NMNAT3: variants seen among roughly 807,000 people sequenced by gnomAD.
The protein encoded by NMNAT3 is nicotinamide nucleotide adenylyltransferase 3, also known as nicotinamide/nicotinic acid mononucleotide adenylyltransferase 3.
NMNAT3 carries 21 observed loss-of-function variants against 24.8 expected under a neutral mutation model. That is an observed-to-expected ratio of 0.85 (90% CI 0.60 to 1.22). The LOEUF is 1.22. Ranked by LOEUF, NMNAT3 falls within the 50% of genes most tolerant of loss-of-function variation. The pLI is 0.00. For synonymous variants in NMNAT3, 136 were observed against 155.2 expected (o/e 0.88, Z 0.92); for missense variants, 387 against 436.6 (o/e 0.89, Z 1.01).
At chr3:139,665,602 T>C (rs2057551470) in intron 1 of NMNAT3, among the ~76,000 whole-genome samples, 1 of 152,134 alleles carries the variant, frequency 6.6e-6, no homozygotes, top group Non-Finnish European at 1.5e-5. Context: ...AGATGGCATA[T>C]GTTATTCACT....
At chr3:139,562,716 C>T in intron 6 of NMNAT3, among the ~76,000 whole-genome samples, 1 of 152,210 alleles carries the variant, frequency 6.6e-6, no homozygotes, top group Non-Finnish European at 1.5e-5. Context: ...AGTCTGAGTC[C>T]TGGCCTCAAC....
intron 2 of NMNAT3, among the ~76,000 whole-genome samples, chr3:139,629,350 T>G (rs1225835759): frequency 6.6e-6 from 1 of 152,192 alleles, no homozygotes; most frequent in Non-Finnish European, 1.5e-5. Flanking sequence ...TTTTCAGATG[T>G]GATTGCAGCC....
intron 1 of NMNAT3, among the ~76,000 whole-genome samples, chr3:139,672,120 T>C (rs1247412699): frequency 6.6e-6 from 1 of 152,200 alleles, no homozygotes; most frequent in African/African-American, 2.4e-5. Context: ...CTCCGTACTC[T>C]CCTCTTTCCA....
At chr3:139,601,722 C>T (rs1182017802) in intron 3 of NMNAT3, among the ~76,000 whole-genome samples, 1 of 152,104 alleles carries the variant, frequency 6.6e-6, no homozygotes, top group African/African-American at 2.4e-5. Flanking sequence ...GATAAAGTCC[C>T]AAGGGAGTTG....
chr3:139,564,263 A>G (rs1468396414), intron 6 of NMNAT3, among the ~76,000 whole-genome samples: 2 of 147,994 alleles, frequency 1.4e-5, no homozygotes, highest in Non-Finnish European at 3.1e-5. Flanking sequence ...GATGTCTGTC[A>G]TGGTACCTCA....
At chr3:139,581,538 T>C (rs781754981) in intron 4 of NMNAT3, among the ~76,000 whole-genome samples, 1 of 152,200 alleles carries the variant, frequency 6.6e-6, no homozygotes, top group Non-Finnish European at 1.5e-5. Flanking sequence ...GGATACATGC[T>C]ACAACAAAAA....
At chr3:139,657,155 A>G (rs998478254) in intron 1 of NMNAT3, among the ~76,000 whole-genome samples, 2 of 152,204 alleles carry the variant, frequency 1.3e-5, no homozygotes, top group African/African-American at 2.4e-5. Flanking sequence ...AGGGCCGGCC[A>G]GGCCATTTCA....
intron 3 of NMNAT3, among the ~76,000 whole-genome samples, chr3:139,611,221 A>G (rs1020128717): frequency 6.6e-6 from 1 of 152,190 alleles, no homozygotes; most frequent in African/African-American, 2.4e-5. Context: ...TCTTCCATGC[A>G]TAGTTATAAG....
rs1559987136 is a variant in NMNAT3, at chr3:139,677,944, C to G, written c.-380G>C. 1.3e-5 allele frequency: 2 copies of G among 152,196 alleles called. No homozygotes were observed. The highest frequency in any genetic ancestry group is 6.5e-5 in the Admixed American group (1 of 15,278). 9.4% of individuals were successfully genotyped at this position (152,196 alleles called of 1,614,324 possible). A position where few individuals can be genotyped will look rare whatever the true frequency, so the allele number is the denominator to read the frequency against. On this transcript the variant is annotated 5_prime_UTR_variant, in exon 1 of 7. Transcript: ENST00000643695. ...GCCAAGGCGAACTTGACCTTGCGCTCCCTTAGCGGCCCCGGGCAGATGGAG... is the reference window on the plus strand; with the variant it reads ...GCCAAGGCGAACTTGACCTTGCGCTGCCTTAGCGGCCCCGGGCAGATGGAG...
chr3:139,561,332 T>C lies in NMNAT3; in HGVS notation c.719A>G (p.Asn240Ser), dbSNP rs1261898681. ...CTGGATGTGCGCATCCTTCCAGAGG[T>C]TGGGGGTCTGGAAGGTCTTCAAGAC... Residue 240 changes from asparagine (N) to serine (S), a missense_variant, in exon 7 of 7, where the codon AAC (asparagine) becomes AGC (serine). Transcript: ENST00000643695. 5.0e-6 allele frequency: 8 copies of C among 1,613,478 alleles called. No individual in the cohort carries two copies. The South Asian group carries it at 8.8e-5, about 18-fold the overall frequency.
intron 2 of NMNAT3, among the ~76,000 whole-genome samples, chr3:139,632,890 G>T (rs777827787): frequency 6.6e-6 from 1 of 152,184 alleles, no homozygotes; most frequent in Non-Finnish European, 1.5e-5. Context: ...ATTACATAAA[G>T]AATCTTGAAA....
At chr3:139,649,377 G>C (rs1034469483) in intron 1 of NMNAT3, among the ~76,000 whole-genome samples, 4 of 151,798 alleles carry the variant, frequency 2.6e-5, no homozygotes, top group Non-Finnish European at 5.9e-5. Flanking sequence ...CAAACTCCCT[G>C]GTGGTCTTCC....
intron 2 of NMNAT3, among the ~76,000 whole-genome samples, chr3:139,632,433 T>C (rs942340178): frequency 5.3e-5 from 8 of 152,330 alleles, no homozygotes; most frequent in African/African-American, 1.7e-4. Context: ...CCCTCTGCCC[T>C]ACAGAACTGG....
At chr3:139,622,269 A>G (rs773273114) in intron 3 of NMNAT3, among the ~76,000 whole-genome samples, 1 of 152,252 alleles carries the variant, frequency 6.6e-6, no homozygotes, top group South Asian at 2.1e-4. Flanking sequence ...TTTTAATAAT[A>G]GCCATTCTGA....
chr3:139,575,805 C>T (rs1301311760), intron 5 of NMNAT3: 31 of 1,193,798 alleles, frequency 2.6e-5, no homozygotes, highest in Non-Finnish European at 3.1e-5. Flanking sequence ...AGCAGTCCCA[C>T]TGGTCTTCAG....
intron 2 of NMNAT3, among the ~76,000 whole-genome samples, chr3:139,631,645 C>T (rs1478677302): frequency 2.0e-5 from 3 of 152,068 alleles, no homozygotes; most frequent in Admixed American, 6.5e-5. Context: ...CTTTGGCTCC[C>T]GCCCCCTCCC....
At position 139,634,610 on chromosome 3, in the gene NMNAT3, C is replaced by T. The variant is rs528370632; in HGVS notation, c.-41+3353G>A. 2 of 152,288 alleles carry T rather than the reference C, an allele frequency of 1.3e-5. No homozygotes were observed. The highest frequency in any genetic ancestry group is 3.9e-4 in the East Asian group (2 of 5,174). The allele number at this position is 152,288 out of a possible 1,614,324, so 9.4% of individuals were successfully genotyped here. On this transcript the variant is annotated intron_variant, in intron 2 of 6. Coordinates refer to ENST00000643695, the MANE Select transcript of NMNAT3 (RefSeq NM_001320510.2). The stretch of plus-strand genomic sequence containing the variant: ...CTGCTAAAAACAAAAGCAAAGCATA[C>T]CTTCCTTGTCGGTGTAAGGATCCTC...
chr3:139,568,666 T>A (rs1937585818), intron 6 of NMNAT3: 1 of 152,222 alleles, frequency 6.6e-6, no homozygotes, highest in Non-Finnish European at 1.5e-5. Context: ...GTGAGTTTCT[T>A]AATCCTGAGT....
At chr3:139,563,708 C>A (rs1466120844) in intron 6 of NMNAT3, among the ~76,000 whole-genome samples, 1 of 152,176 alleles carries the variant, frequency 6.6e-6, no homozygotes, top group African/African-American at 2.4e-5. Flanking sequence ...ACTTCTAATT[C>A]CTGGCAGTCC....
Sources: gnomAD v4.1 joint callset for allele counts (sites outside exome capture counted in the v4.1 genomes callset) on GRCh38, gnomAD v4.1.1 for gene constraint, MANE v1.5 for transcripts, NCBI Gene and HGNC (gene_info 2026-07-23, HGNC 2026-07-21) for gene names.